The following PDE1A variants were observed in gnomAD, a reference collection of about 807,000 sequenced individuals.
The protein encoded by PDE1A is phosphodiesterase 1A.
PDE1A carries 35 observed loss-of-function variants against 61.7 expected under a neutral mutation model. The ratio of observed to expected loss-of-function variants is 0.57; its 90% confidence interval spans 0.43 to 0.75. The LOEUF (loss-of-function observed/expected upper bound fraction) is 0.75, where lower values mean the gene tolerates loss of function less well. Among genes scored for constraint, PDE1A ranks in the 30% least tolerant of loss-of-function variants. The pLI is 0.00. For missense variants in PDE1A, 597 were observed against 630.6 expected (o/e 0.95, Z 0.57); for synonymous variants, 232 against 213.2 (o/e 1.09, Z -0.77).
chr2:182,612,276 C>G, the PDE1A span, among the ~76,000 whole-genome samples: 1 of 151,834 alleles, frequency 6.6e-6, no homozygotes, highest in African/African-American at 2.4e-5. Flanking sequence ...CACAGGTATT[C>G]AAGACAAAAA....
At chr2:182,459,562 G>A (rs557145523) in intron 2 of PDE1A, among the ~76,000 whole-genome samples, 4 of 152,210 alleles carry the variant, frequency 2.6e-5, no homozygotes, top group South Asian at 2.1e-4. Context: ...ATCCACAAAT[G>A]ATCTCTAACT....
intron 1 of PDE1A, among the ~76,000 whole-genome samples, chr2:182,384,988 C>G (rs1164152006): frequency 6.6e-6 from 1 of 152,214 alleles, no homozygotes; most frequent in Non-Finnish European, 1.5e-5. Context: ...TCAACAGGAG[C>G]TTTACAGGCC....
the PDE1A span, among the ~76,000 whole-genome samples, chr2:182,555,356 T>C: frequency 6.6e-6 from 1 of 152,198 alleles, no homozygotes; most frequent in Non-Finnish European, 1.5e-5. Context: ...AGAATCAAGA[T>C]TTCAGGAGCT....
chr2:182,357,941 T>C (rs1304334753), intron 1 of PDE1A, among the ~76,000 whole-genome samples: 3 of 152,192 alleles, frequency 2.0e-5, no homozygotes, highest in African/African-American at 7.2e-5. Flanking sequence ...ACCATGTGGC[T>C]CCACTGATGC....
At chr2:182,511,705 A>G (rs766508011) in intron 2 of PDE1A, among the ~76,000 whole-genome samples, 1 of 152,132 alleles carries the variant, frequency 6.6e-6, no homozygotes, top group Non-Finnish European at 1.5e-5. Context: ...CATGAGACAG[A>G]GCCAATCTGA....
intron 13 of PDE1A, among the ~76,000 whole-genome samples, chr2:182,178,725 T>C (rs894402285): frequency 3.3e-5 from 5 of 152,036 alleles, no homozygotes; most frequent in African/African-American, 1.2e-4. Flanking sequence ...CCTGCAGTAT[T>C]CAGTCAACCC....
chr2:182,218,583 T>A (rs566258749), intron 7 of PDE1A, among the ~76,000 whole-genome samples: 3 of 152,270 alleles, frequency 2.0e-5, no homozygotes, highest in African/African-American at 7.2e-5. Context: ...CAGTCCCTCA[T>A]AACCACAATT....
chr2:182,154,631 C>T (rs1448208546), intron 13 of PDE1A, among the ~76,000 whole-genome samples: 1 of 152,084 alleles, frequency 6.6e-6, no homozygotes, highest in Non-Finnish European at 1.5e-5. Flanking sequence ...TCTTGCCTGC[C>T]GCCATGTAAG....
At chr2:182,404,177 C>T (rs1702177403) in intron 1 of PDE1A, among the ~76,000 whole-genome samples, 1 of 152,118 alleles carries the variant, frequency 6.6e-6, no homozygotes, top group East Asian at 1.9e-4. Context: ...AAGTCTCAAA[C>T]CTGACGACTC....
chr2:182,636,886 G>GGGCT, the PDE1A span, among the ~76,000 whole-genome samples: 130 of 152,220 alleles, frequency 8.5e-4, no homozygotes, highest in Admixed American at 2.5e-3. Context: ...TGTCAGCAGG[G>GGGCT]GGCTGGTCTT....
At chr2:182,286,928 TTTTG>T (rs1466402022) in intron 1 of PDE1A, among the ~76,000 whole-genome samples, 2 of 152,188 alleles carry the variant, frequency 1.3e-5, no homozygotes, top group Admixed American at 1.3e-4. Flanking sequence ...GAAGCCAGAG[TTTTG>T]TTTGTTTGTT....
chr2:182,473,890 G>T (rs150876602), intron 2 of PDE1A, among the ~76,000 whole-genome samples: 100 of 151,948 alleles, frequency 6.6e-4, no homozygotes, highest in Non-Finnish European at 1.1e-3. Flanking sequence ...TGTCTATCAC[G>T]ATGGGCATTT....
chr2:182,391,011 G>T (rs1701389501), intron 1 of PDE1A, among the ~76,000 whole-genome samples: 1 of 152,218 alleles, frequency 6.6e-6, no homozygotes, highest in African/African-American at 2.4e-5. Context: ...AGGGCCAGCA[G>T]ACCCCTAGAG....
intron 1 of PDE1A, among the ~76,000 whole-genome samples, chr2:182,381,719 G>A (rs1206109602): frequency 1.3e-5 from 2 of 152,054 alleles, no homozygotes; most frequent in East Asian, 3.9e-4. Flanking sequence ...GGCTGAGGCG[G>A]GAGAATCGCT....
chr2:182,280,171 G>T (rs1404979247), intron 1 of PDE1A, among the ~76,000 whole-genome samples: 4 of 151,608 alleles, frequency 2.6e-5, no homozygotes, highest in African/African-American at 4.8e-5. Context: ...ATGAATTACT[G>T]CATTTTTTAC....
chr2:182,357,540 T>C (rs908340502), intron 1 of PDE1A, among the ~76,000 whole-genome samples: 5 of 152,200 alleles, frequency 3.3e-5, no homozygotes, highest in African/African-American at 4.8e-5. Context: ...CTTGGTTATT[T>C]TACTGCCAAC....
chr2:182,416,183 T>C (rs1559440419), intron 1 of PDE1A, among the ~76,000 whole-genome samples: 1 of 152,220 alleles, frequency 6.6e-6, no homozygotes, highest in Non-Finnish European at 1.5e-5. Context: ...TATGGGATTC[T>C]ACACACCTAC....
the PDE1A span, among the ~76,000 whole-genome samples, chr2:182,569,831 T>C: frequency 6.6e-6 from 1 of 152,240 alleles, no homozygotes; most frequent in Non-Finnish European, 1.5e-5. Flanking sequence ...TTTCCTTTCT[T>C]AAAAACCTTC....
At chr2:182,660,994 A>C in the PDE1A span, among the ~76,000 whole-genome samples, 1 of 152,218 alleles carries the variant, frequency 6.6e-6, no homozygotes, top group East Asian at 1.9e-4. Context: ...GTGGAATCTG[A>C]CTTCCCTCTC....
Sources: gnomAD v4.1 joint callset for allele counts (sites outside exome capture counted in the v4.1 genomes callset) on GRCh38, gnomAD v4.1.1 for gene constraint, MANE v1.5 for transcripts, NCBI Gene and HGNC (gene_info 2026-07-23, HGNC 2026-07-21) for gene names.